The following CEP78 variants were observed in gnomAD, a reference collection of about 807,000 sequenced individuals.
The protein encoded by CEP78 is centrosomal protein of 78 kDa.
Under a neutral mutation model 81.2 loss-of-function variants are expected in CEP78, and 76 were observed. The observed-to-expected ratio is 0.94, with a 90% confidence interval of 0.78 to 1.13. The LOEUF is 1.13. Among genes scored for constraint, CEP78 ranks in the 50% most tolerant of loss-of-function variants. The pLI, the probability that CEP78 is intolerant of heterozygous loss-of-function variation, is 0.00. For missense variants in CEP78, 918 were observed against 846.8 expected, an observed-to-expected ratio of 1.08 and a Z score of -1.04; for synonymous variants, 293 against 301.4, an observed-to-expected ratio of 0.97 and a Z score of 0.29.
chr9:78,267,177 A>G (rs554615860), intron 16 of CEP78: 11 of 552,062 alleles, frequency 2.0e-5, no homozygotes, highest in South Asian at 1.8e-4. Flanking sequence ...TTGATAGTTT[A>G]CAACATTGAT....
Position 78,251,988 on chromosome 9 carries a change from C to T in CEP78, c.1150C>T (p.Pro384Ser), listed in dbSNP as rs771828935. Reference sequence around the variant, plus strand: ...ATATTATGCGCCCGCACCTCTTCCACCTGGTGTGTCTGGTTTCTTGCCGTG... The same window carrying T: ...ATATTATGCGCCCGCACCTCTTCCATCTGGTGTGTCTGGTTTCTTGCCGTG... ...KEYYAPAPLP[P>S]GVSGFLPWRT... Residue 384 changes from proline to serine, a missense_variant, in exon 9 of 17, where the codon CCT (proline) becomes TCT (serine). Coordinates refer to ENST00000643273, the MANE Select transcript of CEP78 (RefSeq NM_001330691.3). 1.2e-6 allele frequency: 2 copies of T among 1,606,894 alleles called. No individual in the cohort carries two copies. Among genetic ancestry groups the T allele is most frequent in the South Asian group, 1.1e-5 (1 of 90,152 alleles).
intron 8 of CEP78, chr9:78,249,623 T>C (rs892270206): frequency 9.2e-5 from 14 of 152,148 alleles, no homozygotes; most frequent in Admixed American, 2.0e-4. Context: ...ATAAATTTGG[T>C]ATAATCTAGT....
intron 10 of CEP78, 26 bp from the exon 11 acceptor site, chr9:78,254,810 A>T (rs1315934006): frequency 6.3e-7 from 1 of 1,582,114 alleles, no homozygotes; most frequent in Non-Finnish European, 8.6e-7. Context: ...TTATATTATT[A>T]TACAATCTTG....
At chr9:78,240,595 T>C (rs547855820) in intron 3 of CEP78, among the ~76,000 whole-genome samples, 100 of 152,372 alleles carry the variant, frequency 6.6e-4, no homozygotes, top group African/African-American at 1.9e-3. Context: ...TACCATCTGG[T>C]ATTCTCTGTT....
chr9:78,251,959 A>G lies in CEP78; in HGVS notation c.1121A>G (p.Lys374Arg), dbSNP rs758611713. 5.6e-6 allele frequency: 9 copies of G among 1,609,048 alleles called. No homozygotes were observed. Among genetic ancestry groups the G allele is most frequent in the Non-Finnish European group, 7.6e-6 (9 of 1,176,604 alleles). The change falls in exon 9 of 17, where the codon AAA becomes AGA. Residue 374 changes from lysine to arginine, a missense_variant. Coordinates refer to ENST00000643273, the MANE Select transcript of CEP78 (RefSeq NM_001330691.3). Reference sequence around the variant, plus strand: ...AGTGGCAGAAAACACTCCCTTGGTAAAGAATATTATGCGCCCGCACCTCTT... The same window carrying G: ...AGTGGCAGAAAACACTCCCTTGGTAGAGAATATTATGCGCCCGCACCTCTT... Reference protein sequence around the residue: ...VSSGRKHSLGKEYYAPAPLPP... With the variant: ...VSSGRKHSLGREYYAPAPLPP...
chr9:78,263,147 G>A lies in CEP78; in HGVS notation c.1458+163G>A, dbSNP rs528972058. On this transcript the variant is annotated intron_variant, in intron 12 of 16. Coordinates refer to ENST00000643273, the MANE Select transcript of CEP78 (RefSeq NM_001330691.3). ...TTGTATTTACTTATATTTGGTGACCGTGTGATCTGTATTCCAAAAAGCATG... is the reference window on the plus strand; with the variant it reads ...TTGTATTTACTTATATTTGGTGACCATGTGATCTGTATTCCAAAAAGCATG... Among the ~76,000 whole-genome samples, 7 of 152,196 alleles carry A rather than the reference G, an allele frequency of 4.6e-5. No homozygotes were observed. In the East Asian group the frequency reaches 5.8e-4, roughly 13 times the overall value.
Position 78,243,714 on chromosome 9 carries a change from G to A in CEP78, c.778+78G>A, listed in dbSNP as rs550867467. Reference sequence around the variant, plus strand: ...TATGCTTAACTCTTGGCACAGTAATGTTGTCCGAAGGTTTTTTAAAAAGCC... The same window carrying A: ...TATGCTTAACTCTTGGCACAGTAATATTGTCCGAAGGTTTTTTAAAAAGCC... On this transcript the variant is annotated intron_variant, in intron 5 of 16. Transcript: ENST00000643273. 3.6e-4 allele frequency: 428 copies of A among 1,175,842 alleles called. 1 individual carries two copies. The highest frequency in any genetic ancestry group is 4.4e-4 in the Non-Finnish European group (384 of 863,612). The allele number at this position is 1,175,842 out of a possible 1,614,324, so 72.8% of individuals were successfully genotyped here. A position where few individuals can be genotyped will look rare whatever the true frequency, so the allele number is the denominator to read the frequency against.
In CEP78 at chr9:78,243,615, A is replaced by C; in HGVS notation, c.757A>C (p.Ser253Arg). The change falls in exon 5 of 17, where the codon AGT (serine) becomes CGT (arginine). Residue 253 changes from serine (S) to arginine (R), a missense_variant. By Grantham distance (110) the Ser-to-Arg change is moderately radical (BLOSUM62 -1). Coordinates refer to ENST00000643273, the MANE Select transcript of CEP78 (RefSeq NM_001330691.3). ...LGACAFADSL[S>R]EDLWLRALDL... ...TGCATGTGCTTTTGCAGACTCTCTC[A>C]GTGAGGATTTATGGCTGAGAGGTAA... The C allele has an allele frequency of 6.2e-7, 1 of 1,613,466 alleles. No homozygotes were observed. The highest frequency in any genetic ancestry group is 1.7e-4 in the Middle Eastern group (1 of 6,060).
At position 78,255,565 on chromosome 9, in the gene CEP78, T is replaced by A. The variant is rs1826981178; in HGVS notation, c.1380+601T>A. Among the ~76,000 whole-genome samples, 3 of 152,284 alleles carry A rather than the reference T, an allele frequency of 2.0e-5. 1 individual carries two copies. The highest frequency in any genetic ancestry group is 6.8e-3 in the Middle Eastern group (2 of 294). ...GATGGCTTTTCACCATGTCCTCACA[T>A]GGTGGAAGGGCAGTTATCTTATTTT... On this transcript the variant is annotated intron_variant, in intron 11 of 16. Coordinates refer to ENST00000643273, the MANE Select transcript of CEP78 (RefSeq NM_001330691.3).
chr9:78,255,307 G>A (rs1306693121), intron 11 of CEP78, among the ~76,000 whole-genome samples: 3 of 152,080 alleles, frequency 2.0e-5, no homozygotes, highest in African/African-American at 7.2e-5. Context: ...GGCTCTTTGG[G>A]AGGCCTTATC....
intron 1 of CEP78, among the ~76,000 whole-genome samples, chr9:78,238,531 G>A (rs938459024): frequency 6.6e-6 from 1 of 152,196 alleles, no homozygotes; most frequent in African/African-American, 2.4e-5. Flanking sequence ...CTGAGAGAAA[G>A]AGGGAGGGTG....
chr9:78,268,369 C>T (rs1021441120), intron 16 of CEP78, among the ~76,000 whole-genome samples: 6 of 152,134 alleles, frequency 3.9e-5, no homozygotes, highest in Non-Finnish European at 5.9e-5. Flanking sequence ...TAGCAGATGT[C>T]GCTCAAGGAG....
Position 78,236,134 on chromosome 9 carries a change from GGCGGGAGGCAGC to G in CEP78, c.-209_-198del. 1.8e-6 allele frequency: 1 copy of G among 549,564 alleles called. No individual in the cohort carries two copies. Among genetic ancestry groups the G allele is most frequent in the East Asian group, 3.4e-5 (1 of 29,726 alleles). The allele number at this position is 549,564 out of a possible 1,614,324, so 34.0% of individuals were successfully genotyped here. On this transcript the variant is annotated 5_prime_UTR_variant, in exon 1 of 17. Coordinates refer to ENST00000643273, the MANE Select transcript of CEP78 (RefSeq NM_001330691.3). ...CGGGCGCCAACTGCTTGGGCCGCAG[GGCGGGAGGCAGC>G]GCGGGAGTGGGGCGTTGAGGGGCCG...
chr9:78,268,822 A>C (rs527257077), intron 16 of CEP78, among the ~76,000 whole-genome samples: 194 of 151,522 alleles, frequency 1.3e-3, no homozygotes, highest in African/African-American at 4.4e-3. Flanking sequence ...ATGCCCTGCT[A>C]ATTTTTTGTA....
Position 78,258,909 on chromosome 9 carries a change from A to C in CEP78, c.1380+3945A>C, listed in dbSNP as rs771991256. On this transcript the variant is annotated intron_variant, in intron 11 of 16. Coordinates refer to ENST00000643273, the MANE Select transcript of CEP78 (RefSeq NM_001330691.3). ...GAATCTTCCACCCTGCTTACACCGG[A>C]AGTATAAGTGAGCACACCTACTTTG... Among the ~76,000 whole-genome samples, 4 of 152,302 alleles carry C rather than the reference A, an allele frequency of 2.6e-5. No individual in the cohort carries two copies. In the East Asian group the frequency reaches 7.7e-4, roughly 29 times the overall value.
At chr9:78,248,087 A>G (rs1280605594) in intron 6 of CEP78, among the ~76,000 whole-genome samples, 2 of 152,212 alleles carry the variant, frequency 1.3e-5, no homozygotes, top group Admixed American at 1.3e-4. Flanking sequence ...AGTAGCCATC[A>G]GGGACAATAT....
At chr9:78,263,593 G>T (rs114994572) in intron 12 of CEP78, among the ~76,000 whole-genome samples, 4,990 of 152,180 alleles carry the variant, frequency 0.033, 143 homozygotes, top group African/African-American at 0.073. Flanking sequence ...TAAGGCAAAA[G>T]GTGCTTTGTG....
chr9:78,236,434 G>T lies in CEP78; in HGVS notation c.84G>T (p.Ser28=), dbSNP rs10867166. The T allele has an allele frequency of 6.2e-7, 1 of 1,600,286 alleles. No individual in the cohort carries two copies. Among genetic ancestry groups the T allele is most frequent in the Non-Finnish European group, 8.5e-7 (1 of 1,173,638 alleles). ...AGTACCTGTGCGCGCTGCAGAACTCGGTGCCGCTGCCCGCCGTGCGCGCCT... is the reference window on the plus strand; with the variant it reads ...AGTACCTGTGCGCGCTGCAGAACTCTGTGCCGCTGCCCGCCGTGCGCGCCT... ...HYEYLCALQN[S]VPLPAVRACL... is the part of the protein sequence containing the mutation. The change falls in exon 1 of 17, where the codon TCG becomes TCT. Residue 28 remains serine, a synonymous_variant. Transcript: ENST00000643273.
At chr9:78,243,906 C>T (rs1289304965) in intron 5 of CEP78, among the ~76,000 whole-genome samples, 1 of 150,984 alleles carries the variant, frequency 6.6e-6, no homozygotes, top group African/African-American at 2.4e-5. Context: ...TTTTTTCCTG[C>T]AGATACATTT....
Sources: allele counts gnomAD v4.1 joint callset (sites outside exome capture counted in the v4.1 genomes callset), GRCh38; gene constraint gnomAD v4.1.1; transcripts MANE v1.5; gene names NCBI Gene and HGNC (gene_info 2026-07-23, HGNC 2026-07-21).